Variants in SARDH observed in about 807,000 individuals in gnomAD.
SARDH encodes the protein sarcosine dehydrogenase, also known as sarcosine dehydrogenase, mitochondrial.
In SARDH, 95 loss-of-function variants were observed where a neutral mutation model predicts 109.1. The observed-to-expected ratio is 0.87, with a 90% CI of 0.74 to 1.03. SARDH has a LOEUF of 1.03. SARDH is among the 50% of genes least tolerant of loss of function. SARDH has a pLI of 0.00. For missense variants in SARDH, 1,267 were observed against 1,287.8 expected (o/e 0.98, Z 0.25); for synonymous variants, 572 against 534.8 (o/e 1.07, Z -0.96).
intron 10 of SARDH, among the ~76,000 whole-genome samples, chr9:133,708,865 A>C (rs1170534686): frequency 6.6e-6 from 1 of 152,026 alleles, no homozygotes. Flanking sequence ...TTTGAAGTTT[A>C]GCCTGGTGAT....
At chr9:133,670,078 C>G (rs9409879) in intron 19 of SARDH, among the ~76,000 whole-genome samples, 29,623 of 152,182 alleles carry the variant, frequency 0.19, 3,108 homozygotes, top group East Asian at 0.41. Context: ...CTTGTAATCC[C>G]AGCACTTTGG....
intron 11 of SARDH, among the ~76,000 whole-genome samples, chr9:133,706,553 G>A (rs1358960661): frequency 6.6e-6 from 1 of 152,158 alleles, no homozygotes; most frequent in East Asian, 1.9e-4. Flanking sequence ...CACTGCAAAG[G>A]CACTTAATGC....
At chr9:133,690,985 G>C (rs1831071372) in intron 15 of SARDH, among the ~76,000 whole-genome samples, 1 of 152,270 alleles carries the variant, frequency 6.6e-6, no homozygotes, top group Non-Finnish European at 1.5e-5. Context: ...AGACCTCTCA[G>C]GGCCCCAGGC....
rs749791543 is a variant in SARDH, at chr9:133,731,376, G to T, written c.619C>A (p.His207Asn). Residue 207 changes from histidine (H) to asparagine (N), a missense_variant, in exon 4 of 21, where the codon CAC becomes AAC. By Grantham distance (68) the His-to-Asn change is moderately conservative (BLOSUM62 1). Transcript: ENST00000439388. ...CCAGCGGGGTCCATGGTACCGTCGT[G>T]CGGCACATACAGGGTCCCGTAGAGG... is the stretch of plus-strand genomic sequence containing the variant. ...DDLYGTLYVP[H>N]DGTMDPAGTC... 129 of 1,614,080 alleles carry T rather than the reference G, an allele frequency of 8.0e-5. No individual in the cohort carries two copies. In the Admixed American group the frequency reaches 2.1e-3, roughly 27 times the overall value.
chr9:133,662,223 G>A (rs560844935), downstream of SARDH, among the ~76,000 whole-genome samples: 4 of 152,264 alleles, frequency 2.6e-5, no homozygotes, highest in Non-Finnish European at 2.9e-5. The surrounding 1 kb of genome is among the most constrained non-coding windows in gnomAD (Gnocchi z 5.1). Context: ...GGGTGGTGCC[G>A]TTGCGTGCAT....
Position 133,708,328 on chromosome 9 carries a change from G to A in SARDH, c.1429C>T (p.Pro477Ser), listed in dbSNP as rs760444927. Residue 477 changes from proline (P) to serine (S), a missense_variant, in exon 11 of 21, where the codon CCG becomes TCG. Physicochemically the swap from Pro to Ser is moderately conservative, Grantham distance 74 (BLOSUM62 -1). Coordinates refer to ENST00000439388, the MANE Select transcript of SARDH (RefSeq NM_001134707.2). ...CTCCTCATGTTGCGCCCGGCCAGCG[G>A]CTCATCGTGGGGGAAGACGACGGAG... ...NYSVVFPHDE[P>S]LAGRNMRRDP... 2.5e-6 allele frequency: 4 copies of A among 1,613,378 alleles called. No individual in the cohort carries two copies. In the Admixed American group the frequency reaches 6.7e-5, roughly 27 times the overall value.
At chr9:133,689,417 G>T (rs1034209342) in intron 16 of SARDH, among the ~76,000 whole-genome samples, 1 of 151,998 alleles carries the variant, frequency 6.6e-6, no homozygotes, top group African/African-American at 2.4e-5. Flanking sequence ...CCTGGTGGGG[G>T]AGGGTCACCA....
downstream of SARDH, among the ~76,000 whole-genome samples, chr9:133,662,858 G>A (rs996252165): frequency 6.6e-6 from 1 of 152,234 alleles, no homozygotes; most frequent in Non-Finnish European, 1.5e-5. The surrounding 1 kb of genome is among the most constrained non-coding windows in gnomAD (Gnocchi z 5.1). Flanking sequence ...TGGGCTCGGG[G>A]GGACAAGGGA....
intron 6 of SARDH, among the ~76,000 whole-genome samples, chr9:133,729,019 A>G (rs997798189): frequency 2.0e-5 from 3 of 150,830 alleles, no homozygotes; most frequent in African/African-American, 7.3e-5. Context: ...AGAGGGAGGG[A>G]AAGAGTGGAG....
At chr9:133,676,875 A>T (rs1031478374) in intron 17 of SARDH, among the ~76,000 whole-genome samples, 8 of 152,242 alleles carry the variant, frequency 5.3e-5, no homozygotes, top group African/African-American at 1.9e-4. Flanking sequence ...GCAGTGGCTC[A>T]CGCCTGCAAT....
chr9:133,662,926 G>A (rs1389882564), downstream of SARDH, among the ~76,000 whole-genome samples: 1 of 152,234 alleles, frequency 6.6e-6, no homozygotes, highest in African/African-American at 2.4e-5. The surrounding 1 kb of genome is among the most constrained non-coding windows in gnomAD (Gnocchi z 5.1). Flanking sequence ...AGGAGAGGCA[G>A]AGCTGCTTCT....
chr9:133,728,843 G>A lies in SARDH; in HGVS notation c.915+922C>T, dbSNP rs1832577400. 6.6e-6 allele frequency among the ~76,000 whole-genome samples: 1 copy of A among 151,680 alleles called. No homozygotes were observed. The highest frequency in any genetic ancestry group is 2.4e-5 in the African/African-American group (1 of 41,340). ...GGAAGGGCAGAGGGAGAGATGAGTG[G>A]CTAGAGGGAGGGAGGGAGGGATTGA... On this transcript the variant is annotated intron_variant, in intron 6 of 20. Coordinates refer to ENST00000439388, the MANE Select transcript of SARDH (RefSeq NM_001134707.2). This position sits in a 1 kb window ranked among gnomAD's most constrained non-coding sequence, Gnocchi z 5.0.
At chr9:133,689,629 G>C (rs558853363) in intron 16 of SARDH, among the ~76,000 whole-genome samples, 2 of 152,210 alleles carry the variant, frequency 1.3e-5, no homozygotes, top group Non-Finnish European at 2.9e-5. Context: ...GAACAATTAT[G>C]ACCACCTCAA....
rs145882272 is a variant in SARDH at position 133,732,599 on chromosome 9, G to T, written c.334C>A (p.Leu112Met). The change falls in exon 3 of 21, where the codon CTG becomes ATG. Residue 112 changes from leucine to methionine, a missense_variant and splice_region_variant. Transcript: ENST00000439388. ...TSGTTWHTAGLLWQLRPSDVE... is the reference protein window; with the variant it reads ...TSGTTWHTAGMLWQLRPSDVE... ...TCACTGGGCCGCAGCTGCCACAGCAGGCCTGCCCGGGAGGGTGGGTGCCAT... is the reference window on the plus strand; with the variant it reads ...TCACTGGGCCGCAGCTGCCACAGCATGCCTGCCCGGGAGGGTGGGTGCCAT... The T allele has an allele frequency of 2.5e-5, 40 of 1,602,812 alleles. No individual in the cohort carries two copies. The highest frequency in any genetic ancestry group is 2.9e-5 in the Non-Finnish European group (34 of 1,173,968).
chr9:133,670,770 A>T lies in SARDH; in HGVS notation c.2327-18T>A, dbSNP rs1217391611. On this transcript the variant is annotated intron_variant, in intron 18 of 20. Coordinates refer to ENST00000439388, the MANE Select transcript of SARDH (RefSeq NM_001134707.2). ...CCGGTAGCCTGTGGGAAGGGAATCC[A>T]TGGGGTCGGTGCCACCCTGAGGGGG... is the stretch of plus-strand genomic sequence containing the variant. 2.6e-6 allele frequency: 4 copies of T among 1,553,942 alleles called. No individual in the cohort carries two copies. The highest frequency in any genetic ancestry group is 3.5e-6 in the Non-Finnish European group (4 of 1,152,228).
At chr9:133,732,321 A>AC in intron 3 of SARDH, 102 bp downstream of exon 3, 1 of 435,632 alleles carries the variant, frequency 2.3e-6, no homozygotes, top group Non-Finnish European at 3.7e-6. Flanking sequence ...CAGGGAGCCC[A>AC]CCCTACCCCC....
chr9:133,736,976 A>G (rs572919471), intron 1 of SARDH, among the ~76,000 whole-genome samples: 1 of 152,350 alleles, frequency 6.6e-6, no homozygotes, highest in Non-Finnish European at 1.5e-5. Context: ...TAGACACATG[A>G]TAATGTCTCT....
intron 17 of SARDH, among the ~76,000 whole-genome samples, chr9:133,684,701 TG>T (rs1830821013): frequency 6.6e-6 from 1 of 152,088 alleles, no homozygotes; most frequent in African/African-American, 2.4e-5. Flanking sequence ...GGGGGACATG[TG>T]GGGTGCTGTT....
chr9:133,671,514 C>G, intron 18 of SARDH, 21 bp downstream of exon 18: 2 of 1,572,314 alleles, frequency 1.3e-6, no homozygotes, highest in Non-Finnish European at 1.7e-6. Context: ...CCGCCCCGTG[C>G]TGTCCAGACC....
Sources: allele counts gnomAD v4.1 joint callset (sites outside exome capture counted in the v4.1 genomes callset), GRCh38; gene constraint gnomAD v4.1.1; non-coding constraint Gnocchi (gnomAD v3.1); transcripts MANE v1.5; gene names NCBI Gene and HGNC (gene_info 2026-07-23, HGNC 2026-07-21).